GRM5: variants seen among roughly 807,000 people sequenced by gnomAD.
GRM5 encodes the protein glutamate metabotropic receptor 5, also known as metabotropic glutamate receptor 5.
A neutral mutation model predicts 83.1 loss-of-function variants in GRM5; 19 were observed. The observed-to-expected ratio is 0.23, with a 90% CI of 0.16 to 0.34. GRM5 has a LOEUF of 0.34. Ranked by LOEUF, GRM5 falls within the 10% of genes least tolerant of loss-of-function variation. The pLI is 1.00. For missense variants in GRM5, 1,160 were observed against 1,588.3 expected (o/e 0.73, Z 4.58); for synonymous variants, 675 against 633.6 (o/e 1.07, Z -0.98).
intron 8 of GRM5, among the ~76,000 whole-genome samples, chr11:88,533,256 A>T (rs1238306551): frequency 2.6e-5 from 4 of 152,128 alleles, no homozygotes; most frequent in African/African-American, 7.2e-5. Flanking sequence ...ACATTGCTTC[A>T]TCTACAATGA....
chr11:88,805,434 C>G (rs1203500619), intron 3 of GRM5, among the ~76,000 whole-genome samples: 1 of 152,144 alleles, frequency 6.6e-6, no homozygotes, highest in African/African-American at 2.4e-5. Context: ...TTGTGATCCA[C>G]CCGCCTTGGC....
At chr11:88,587,840 C>T (rs1404317446) in intron 7 of GRM5, among the ~76,000 whole-genome samples, 1 of 152,124 alleles carries the variant, frequency 6.6e-6, no homozygotes, top group South Asian at 2.1e-4. Flanking sequence ...CAATGACTTA[C>T]CACTTCTCTA....
At chr11:88,769,777 T>A (rs563331527) in intron 3 of GRM5, among the ~76,000 whole-genome samples, 2 of 151,922 alleles carry the variant, frequency 1.3e-5, no homozygotes, top group African/African-American at 4.8e-5. Flanking sequence ...AATTAATAAG[T>A]GGAGGACAAT....
intron 2 of GRM5, among the ~76,000 whole-genome samples, chr11:89,041,995 A>G (rs564507069): frequency 2.6e-5 from 4 of 152,320 alleles, no homozygotes; most frequent in African/African-American, 9.6e-5. Flanking sequence ...GGAGCACTTC[A>G]TCTAATTTAC....
At chr11:88,850,347 A>G (rs1363685940) in intron 2 of GRM5, among the ~76,000 whole-genome samples, 192 bp from the exon 3 acceptor site, 1 of 152,202 alleles carries the variant, frequency 6.6e-6, no homozygotes, top group African/African-American at 2.4e-5. Context: ...ACCACATTAT[A>G]TATGCATTGA....
intron 4 of GRM5, among the ~76,000 whole-genome samples, chr11:88,610,773 T>G (rs7484120): frequency 0.22 from 33,178 of 152,114 alleles, 3,638 homozygotes; most frequent in Middle Eastern, 0.26. Flanking sequence ...CAAATGAAGA[T>G]AGTGGATATT....
At chr11:88,630,649 G>C (rs1484338537) in intron 4 of GRM5, among the ~76,000 whole-genome samples, 1 of 150,922 alleles carries the variant, frequency 6.6e-6, no homozygotes, top group African/African-American at 2.4e-5. Flanking sequence ...TGCGATCTTG[G>C]CTCACTGCAA....
At chr11:88,856,418 T>C (rs1384474375) in intron 2 of GRM5, among the ~76,000 whole-genome samples, 3 of 152,062 alleles carry the variant, frequency 2.0e-5, no homozygotes, top group East Asian at 3.9e-4. Flanking sequence ...CTTCCACATA[T>C]TGCCCACTGG....
chr11:88,521,391 T>C (rs1864372355), intron 9 of GRM5, among the ~76,000 whole-genome samples: 1 of 152,120 alleles, frequency 6.6e-6, no homozygotes, highest in African/African-American at 2.4e-5. Flanking sequence ...CACTCCAGCC[T>C]GGGTGACATT....
At chr11:88,777,332 T>G (rs1293258328) in intron 3 of GRM5, among the ~76,000 whole-genome samples, 8 of 152,212 alleles carry the variant, frequency 5.3e-5, no homozygotes, top group African/African-American at 7.2e-5. Flanking sequence ...TAGCTAGCCA[T>G]TCATCTTATC....
chr11:89,010,039 G>A (rs1414071125), intron 2 of GRM5, among the ~76,000 whole-genome samples: 2 of 142,018 alleles, frequency 1.4e-5, no homozygotes, highest in South Asian at 2.2e-4. Flanking sequence ...ATATAATATA[G>A]TTATATATTA....
chr11:88,905,588 T>C (rs1446208141), intron 2 of GRM5, among the ~76,000 whole-genome samples: 1 of 152,162 alleles, frequency 6.6e-6, no homozygotes, highest in Admixed American at 6.6e-5. Context: ...GTAATCTGTC[T>C]GCCTCGGCCT....
chr11:88,736,233 T>C (rs6416018), intron 3 of GRM5, among the ~76,000 whole-genome samples: 151,207 of 152,202 alleles, frequency 0.99, 75,119 homozygotes, highest in East Asian at 1. Flanking sequence ...AAAAACTTTC[T>C]TGAAAGTAAC....
intron 2 of GRM5, among the ~76,000 whole-genome samples, chr11:88,913,838 C>T (rs576095853): frequency 2.6e-5 from 4 of 152,112 alleles, no homozygotes; most frequent in South Asian, 2.1e-4. Flanking sequence ...TTACATACCT[C>T]GGCCTCCCAA....
intron 3 of GRM5, among the ~76,000 whole-genome samples, chr11:88,661,034 T>C (rs1365895866): frequency 6.6e-6 from 1 of 152,214 alleles, no homozygotes; most frequent in African/African-American, 2.4e-5. Context: ...GATATAGTGG[T>C]GAACAAGGAA....
intron 3 of GRM5, among the ~76,000 whole-genome samples, chr11:88,740,382 A>G (rs566886082): frequency 8.5e-5 from 13 of 152,192 alleles, no homozygotes; most frequent in African/African-American, 3.1e-4. Context: ...TGTTTGTTCA[A>G]CTAATATTTT....
chr11:88,907,813 T>C (rs1464129309), intron 2 of GRM5, among the ~76,000 whole-genome samples: 1 of 152,140 alleles, frequency 6.6e-6, no homozygotes, highest in African/African-American at 2.4e-5. Flanking sequence ...TATTAAAGAT[T>C]TAAATAAAAT....
intron 3 of GRM5, among the ~76,000 whole-genome samples, chr11:88,773,085 A>G (rs1436645366): frequency 6.6e-6 from 1 of 152,102 alleles, no homozygotes; most frequent in African/African-American, 2.4e-5. Context: ...AAGCATTCCT[A>G]TTTCTCCACA....
At chr11:88,804,436 A>G (rs1943460631) in intron 3 of GRM5, among the ~76,000 whole-genome samples, 1 of 150,986 alleles carries the variant, frequency 6.6e-6, no homozygotes, top group Non-Finnish European at 1.5e-5. Context: ...TATCGCAAGA[A>G]CAAAAAACCA....
Sources: allele counts gnomAD v4.1 joint callset (sites outside exome capture counted in the v4.1 genomes callset), GRCh38; gene constraint gnomAD v4.1.1; transcripts MANE v1.5; gene names NCBI Gene and HGNC (gene_info 2026-07-23, HGNC 2026-07-21).